TMEM144: variants seen among roughly 807,000 people sequenced by gnomAD.
TMEM144 encodes the protein transmembrane protein 144.
In TMEM144, 39 loss-of-function variants were observed where a neutral mutation model predicts 43.6. That is an observed-to-expected ratio of 0.90 (90% CI 0.69 to 1.17). TMEM144 has a LOEUF of 1.17. Ranked by LOEUF, TMEM144 falls within the 50% of genes most tolerant of loss-of-function variation. The pLI, the probability that TMEM144 is intolerant of heterozygous loss-of-function variation, is 0.00. For synonymous variants in TMEM144, 154 were observed against 133.6 expected (o/e 1.15, Z -1.06); for missense variants, 417 against 411.9 (o/e 1.01, Z -0.11).
At chr4:158,223,515 T>C (rs1265392654) in intron 6 of TMEM144, among the ~76,000 whole-genome samples, 1 of 152,166 alleles carries the variant, frequency 6.6e-6, no homozygotes, top group East Asian at 1.9e-4. Flanking sequence ...ATGTGTACCA[T>C]GGTGGTTTGC....
intron 6 of TMEM144, among the ~76,000 whole-genome samples, chr4:158,224,770 T>C (rs570008223): frequency 3.9e-5 from 6 of 152,292 alleles, no homozygotes; most frequent in Admixed American, 2.6e-4. Flanking sequence ...AGCTTCTGGG[T>C]GTGACTGGAG....
intron 6 of TMEM144, among the ~76,000 whole-genome samples, chr4:158,223,608 T>C (rs1261775020): frequency 1.3e-5 from 2 of 152,154 alleles, no homozygotes; most frequent in Admixed American, 1.3e-4. Context: ...TTCCCCTCCC[T>C]GTGTCCACGT....
At chr4:158,249,064 G>A (rs1314900860) in intron 12 of TMEM144, among the ~76,000 whole-genome samples, 3 of 151,922 alleles carry the variant, frequency 2.0e-5, no homozygotes, top group Non-Finnish European at 2.9e-5. Context: ...CCGCCACCAC[G>A]CCCAGCTAAT....
chr4:158,220,767 G>C (rs1734469828), intron 6 of TMEM144, among the ~76,000 whole-genome samples: 2 of 152,126 alleles, frequency 1.3e-5, no homozygotes, highest in Admixed American at 1.3e-4. Flanking sequence ...TCCCTGTTGG[G>C]TATTTGTTGC....
chr4:158,241,024 T>G (rs533273007), intron 10 of TMEM144, among the ~76,000 whole-genome samples: 10 of 152,272 alleles, frequency 6.6e-5, no homozygotes, highest in Non-Finnish European at 1.3e-4. Context: ...CCTAACAGAT[T>G]TATGCTAAAG....
intron 9 of TMEM144, among the ~76,000 whole-genome samples, chr4:158,239,132 C>T (rs1245513431): frequency 1.3e-5 from 2 of 152,096 alleles, no homozygotes; most frequent in Middle Eastern, 3.2e-3. Context: ...AGGATTTGCA[C>T]CCAGGTGGTC....
chr4:158,239,477 A>G (rs1735517196), intron 9 of TMEM144, among the ~76,000 whole-genome samples: 1 of 152,174 alleles, frequency 6.6e-6, no homozygotes, highest in African/African-American at 2.4e-5. Context: ...TTTATAATCA[A>G]CAATTGAATA....
intron 12 of TMEM144, among the ~76,000 whole-genome samples, chr4:158,251,009 C>T (rs1158338625): frequency 1.3e-5 from 2 of 152,158 alleles, no homozygotes; most frequent in East Asian, 3.9e-4. Flanking sequence ...GGCAGGATAC[C>T]AACTGCTGCC....
At chr4:158,217,232 C>T in intron 4 of TMEM144, 89 bp from the exon 5 acceptor site, 1 of 869,786 alleles carries the variant, frequency 1.1e-6, no homozygotes, top group Non-Finnish European at 1.7e-6. Context: ...ACATGCACTT[C>T]AGTTGAAGTT....
chr4:158,236,674 G>GT (rs1190718435), intron 8 of TMEM144, among the ~76,000 whole-genome samples: 1 of 151,896 alleles, frequency 6.6e-6, no homozygotes, highest in East Asian at 1.9e-4. Context: ...GTTTGGAAGG[G>GT]TTTTTTGTGT....
intron 12 of TMEM144, among the ~76,000 whole-genome samples, chr4:158,246,238 A>G (rs1472419910): frequency 6.6e-6 from 1 of 152,218 alleles, no homozygotes; most frequent in African/African-American, 2.4e-5. Flanking sequence ...AATTTTTATT[A>G]AAGACAATGT....
chr4:158,220,893 A>G (rs1200692788), intron 6 of TMEM144, among the ~76,000 whole-genome samples: 1 of 152,052 alleles, frequency 6.6e-6, no homozygotes, highest in Non-Finnish European at 1.5e-5. Flanking sequence ...GCTCCCTTCT[A>G]TGTTTCTCTG....
At chr4:158,220,955 C>A (rs1276875247) in intron 6 of TMEM144, among the ~76,000 whole-genome samples, 3 of 152,166 alleles carry the variant, frequency 2.0e-5, no homozygotes, top group Non-Finnish European at 2.9e-5. Context: ...TCAGTTAAAT[C>A]AGTTTGTTCT....
chr4:158,253,650 T>A lies in TMEM144; in HGVS notation c.*123T>A. 1.4e-6 allele frequency: 1 copy of A among 713,566 alleles called. No individual in the cohort carries two copies. The highest frequency in any genetic ancestry group is 2.3e-6 in the Non-Finnish European group (1 of 436,972). 44.2% of individuals were successfully genotyped at this position (713,566 alleles called of 1,614,324 possible). On this transcript the variant is annotated 3_prime_UTR_variant, in exon 13 of 13. Transcript: ENST00000296529. ...AAATGGATCTCAGCCACTGTTGGAG[T>A]GGGTAAATGATTTTTTTCCCCAAAA...
Position 158,244,299 on chromosome 4 carries a change from C to A in TMEM144, c.904C>A (p.Pro302Thr). 6.3e-7 allele frequency: 1 copy of A among 1,599,764 alleles called. No homozygotes were observed. The highest frequency in any genetic ancestry group is 1.1e-5 in the South Asian group (1 of 88,780). ...VVSFPIITAGPGFIAAMWGIF... is the reference protein window; with the variant it reads ...VVSFPIITAGTGFIAAMWGIF... ...AAAATTTATATTTTTATTTAAGGGT[C>A]CAGGATTTATAGCTGCAATGTGGGG... The change falls in exon 12 of 13, where the codon CCA (proline) becomes ACA (threonine). Residue 302 changes from proline (P) to threonine (T), a missense_variant. Coordinates refer to ENST00000296529, the MANE Select transcript of TMEM144 (RefSeq NM_018342.5).
rs373415239 is a variant in TMEM144 at position 158,222,153 on chromosome 4, T to G, written c.413+2763T>G. Among the ~76,000 whole-genome samples, 4 of 152,336 alleles carry G rather than the reference T, an allele frequency of 2.6e-5. No homozygotes were observed. In the East Asian group the frequency reaches 5.8e-4, roughly 22 times the overall value. ...CATCCTACCTACCCACTTGTATACA[T>G]GTGATTGTAAAAAATCTCACATCTA... is the stretch of plus-strand genomic sequence containing the variant. On this transcript the variant is annotated intron_variant, in intron 6 of 12. Coordinates refer to ENST00000296529, the MANE Select transcript of TMEM144 (RefSeq NM_018342.5).
chr4:158,243,560 T>C (rs1735728320), intron 11 of TMEM144, among the ~76,000 whole-genome samples: 1 of 152,200 alleles, frequency 6.6e-6, no homozygotes, highest in Admixed American at 6.5e-5. Context: ...TCCAATTTTC[T>C]TCCTTCTCAG....
rs563463218 is a variant in TMEM144, at chr4:158,254,808, A to T, written c.*1281A>T. On this transcript the variant is annotated 3_prime_UTR_variant, in exon 13 of 13. Coordinates refer to ENST00000296529, the MANE Select transcript of TMEM144 (RefSeq NM_018342.5). ...TATTTGTGTGTATACTCTGAAGTCA[A>T]TGTGCATGGGTTAAATCCCACCTCT... The T allele has an allele frequency of 6.6e-6, 1 of 152,182 alleles. No individual in the cohort carries two copies. Among genetic ancestry groups the T allele is most frequent in the Admixed American group, 6.5e-5 (1 of 15,272 alleles). 9.4% of individuals were successfully genotyped at this position (152,182 alleles called of 1,614,324 possible). A position where few individuals can be genotyped will look rare whatever the true frequency, so the allele number is the denominator to read the frequency against.
At chr4:158,225,258 T>C (rs6853710) in intron 6 of TMEM144, among the ~76,000 whole-genome samples, 144,292 of 152,280 alleles carry the variant, frequency 0.95, 68,725 homozygotes, top group East Asian at 1. Context: ...CAGGGCCCTA[T>C]AGTCTGGGTT....
Sources: allele counts gnomAD v4.1 joint callset (sites outside exome capture counted in the v4.1 genomes callset), GRCh38; gene constraint gnomAD v4.1.1; transcripts MANE v1.5; gene names NCBI Gene and HGNC (gene_info 2026-07-23, HGNC 2026-07-21).